The following SCN3A variants were observed in gnomAD, a reference collection of about 807,000 sequenced individuals.
SCN3A encodes sodium voltage-gated channel alpha subunit 3.
Under a neutral mutation model 187.6 loss-of-function variants are expected in SCN3A, and 60 were observed. That is an observed-to-expected ratio of 0.32 (90% CI 0.26 to 0.40). The LOEUF (loss-of-function observed/expected upper bound fraction) is 0.40. SCN3A is among the 10% of genes least tolerant of loss of function. SCN3A has a pLI of 1.00. For missense variants in SCN3A, 1,601 were observed against 2,428.2 expected (o/e 0.66, Z 7.16); for synonymous variants, 788 against 829.2 (o/e 0.95, Z 0.85).
At chr2:165,199,807 T>C (rs1300322558) in intron 1 of SCN3A, among the ~76,000 whole-genome samples, 1 of 152,038 alleles carries the variant, frequency 6.6e-6, no homozygotes, top group Non-Finnish European at 1.5e-5. Flanking sequence ...GCTGTATTAT[T>C]AAGAGGAAAC....
chr2:165,185,978 A>T (rs1263046789), intron 2 of SCN3A, among the ~76,000 whole-genome samples: 1 of 152,118 alleles, frequency 6.6e-6, no homozygotes, highest in African/African-American at 2.4e-5. Flanking sequence ...AAAAATATAT[A>T]AAAAACTCAG....
intron 11 of SCN3A, among the ~76,000 whole-genome samples, chr2:165,147,669 A>G (rs181808522): frequency 8.8e-5 from 13 of 148,352 alleles, no homozygotes; most frequent in Non-Finnish European, 1.9e-4. Context: ...AAACGTTCAT[A>G]GATTATTTAA....
chr2:165,166,605 A>G (rs965736481), intron 5 of SCN3A, among the ~76,000 whole-genome samples: 4 of 152,216 alleles, frequency 2.6e-5, no homozygotes, highest in Non-Finnish European at 5.9e-5. Flanking sequence ...TGTATGCCAC[A>G]TCTTTGTACA....
intron 1 of SCN3A, among the ~76,000 whole-genome samples, chr2:165,196,486 A>G (rs1691970127): frequency 6.6e-6 from 1 of 152,090 alleles, no homozygotes; most frequent in Admixed American, 6.6e-5. Context: ...TCCTCTAGGG[A>G]AAAGACTTTA....
rs769002204 is a variant in SCN3A, at chr2:165,139,578, T to G, written c.2050A>C (p.Arg684=). 4 of 1,613,936 alleles carry G rather than the reference T, an allele frequency of 2.5e-6. No individual in the cohort carries two copies. The South Asian group carries it at 4.4e-5, about 18-fold the overall frequency. ...GTTTETEVRK[R]RLSSYQISME... ...GAAATCTGGTAAGAGCTTAACCTTC[T>G]CTTTCTGACTTCCGTTTCTGTGGTG... Residue 684 remains arginine, a synonymous_variant, in exon 14 of 28, where the codon AGA becomes CGA. Coordinates refer to ENST00000283254, the MANE Select transcript of SCN3A (RefSeq NM_006922.4).
rs1441436089 is a variant in SCN3A, at chr2:165,138,000, A to G, written c.2270T>C (p.Val757Ala). ...LKVKHLVNLI[V>A]MDPFVDLAIT... is the part of the protein sequence containing the mutation. ...GGCAAGATCAACAAATGGATCCATAACAATTAAATTCACAAGATGTTTTAC... is the reference window on the plus strand; with the variant it reads ...GGCAAGATCAACAAATGGATCCATAGCAATTAAATTCACAAGATGTTTTAC... The change falls in exon 15 of 28, where the codon GTT becomes GCT. Residue 757 changes from valine (V) to alanine (A), a missense_variant. Val to Ala is a moderately conservative substitution (Grantham distance 64, BLOSUM62 0). Around this residue, in one of 11 missense-constraint regions of SCN3A, gnomAD observed 376 missense variants for 476.0 expected, o/e 0.79. Coordinates refer to ENST00000283254, the MANE Select transcript of SCN3A (RefSeq NM_006922.4). 1 of 1,613,602 alleles carries G rather than the reference A, an allele frequency of 6.2e-7. No homozygotes were observed. The highest frequency in any genetic ancestry group is 1.7e-5 in the Admixed American group (1 of 59,978).
At chr2:165,135,609 C>T (rs1687618962) in intron 15 of SCN3A, among the ~76,000 whole-genome samples, 1 of 152,068 alleles carries the variant, frequency 6.6e-6, no homozygotes, top group Non-Finnish European at 1.5e-5. Context: ...TTCTCTCTCA[C>T]ATGCTCTTTC....
intron 19 of SCN3A, 36 bp downstream of exon 19, chr2:165,115,419 G>A (rs772063792): frequency 3.7e-6 from 6 of 1,612,664 alleles, no homozygotes; most frequent in Admixed American, 1.7e-5. Flanking sequence ...AAAGAACAAG[G>A]GGAGATTGTA....
intron 1 of SCN3A, among the ~76,000 whole-genome samples, chr2:165,194,314 A>C (rs1195788463): frequency 6.6e-6 from 1 of 152,120 alleles, no homozygotes; most frequent in African/African-American, 2.4e-5. Flanking sequence ...CTAAAACTCT[A>C]GTTCAGTGTC....
intron 21 of SCN3A, among the ~76,000 whole-genome samples, chr2:165,105,356 T>G (rs2105680018): frequency 6.6e-6 from 1 of 152,268 alleles, no homozygotes; most frequent in East Asian, 1.9e-4. Flanking sequence ...TTTTTCCCAT[T>G]AATAGTACTG....
At chr2:165,154,746 A>G in intron 10 of SCN3A, 88 bp from the exon 11 acceptor site, 1 of 1,295,362 alleles carries the variant, frequency 7.7e-7, no homozygotes, top group Non-Finnish European at 1.1e-6. Flanking sequence ...TAGTCAGTAG[A>G]CTAATTAGCT....
At chr2:165,132,962 G>A (rs992311127) in intron 15 of SCN3A, among the ~76,000 whole-genome samples, 1 of 152,156 alleles carries the variant, frequency 6.6e-6, no homozygotes, top group African/African-American at 2.4e-5. Flanking sequence ...CCATCAACAA[G>A]TGGGTGAAAG....
chr2:165,188,487 G>A (rs750346833), intron 1 of SCN3A, among the ~76,000 whole-genome samples: 2 of 152,112 alleles, frequency 1.3e-5, no homozygotes, highest in Non-Finnish European at 2.9e-5. Flanking sequence ...GAACTTCAGT[G>A]AGCATAAGAA....
intron 2 of SCN3A, chr2:165,179,675 G>A (rs561522275): frequency 6.6e-6 from 1 of 152,318 alleles, no homozygotes; most frequent in South Asian, 2.1e-4. Flanking sequence ...GCTAGTTCCA[G>A]ACTCTCAGCT....
rs1688911956 is a variant in SCN3A, at chr2:165,154,726, C to G, written c.1174-68G>C. On this transcript the variant is annotated intron_variant, in intron 10 of 27. Coordinates refer to ENST00000283254, the MANE Select transcript of SCN3A (RefSeq NM_006922.4). ...TGTCCCCAAATAAATATCTGATTAC[C>G]ACAGTTAGATAGTCAGTAGACTAAT... 2.8e-6 allele frequency: 4 copies of G among 1,426,070 alleles called. No individual in the cohort carries two copies. The Admixed American group carries it at 6.8e-5, about 24-fold the overall frequency. 88.3% of individuals were successfully genotyped at this position (1,426,070 alleles called of 1,614,324 possible). A position where few individuals can be genotyped will look rare whatever the true frequency, so the allele number is the denominator to read the frequency against.
intron 21 of SCN3A, among the ~76,000 whole-genome samples, chr2:165,105,629 T>C (rs1311018682): frequency 6.6e-6 from 1 of 151,852 alleles, no homozygotes; most frequent in Non-Finnish European, 1.5e-5. Context: ...CTGGGGTGGG[T>C]AAGGTGTACA....
intron 15 of SCN3A, among the ~76,000 whole-genome samples, chr2:165,133,194 C>G (rs571354440): frequency 1.3e-5 from 2 of 152,120 alleles, no homozygotes; most frequent in Non-Finnish European, 2.9e-5. Flanking sequence ...GGACTGTAAA[C>G]TAGTTCAACC....
chr2:165,141,062 AAATATT>A, intron 12 of SCN3A, 64 bp from the exon 13 acceptor site: 1 of 988,234 alleles, frequency 1.0e-6, no homozygotes, highest in Non-Finnish European at 1.5e-6. Flanking sequence ...ATTATTTAAT[AAATATT>A]AATATTAAAG....
In SCN3A at chr2:165,138,083, G is replaced by T; in HGVS notation, c.2187C>A (p.Cys729Ter). 6.2e-7 allele frequency: 1 copy of T among 1,613,454 alleles called. No individual in the cohort carries two copies. The highest frequency in any genetic ancestry group is 8.5e-7 in the Non-Finnish European group (1 of 1,179,528). The change falls in exon 15 of 28, where the codon TGC becomes TGA. Residue 729 changes from cysteine (C) to a stop codon, truncating the protein, a stop_gained. Coordinates refer to ENST00000283254, the MANE Select transcript of SCN3A (RefSeq NM_006922.4). LOFTEE classifies it high-confidence loss of function. ...AGAACACATTGGCAAATCTATACCA[G>T]CATGGCGGACATTTCTGTCTAGATT... ...LEESRQKCPP[C>*]WYRFANVFLI...
Sources: allele counts gnomAD v4.1 joint callset (sites outside exome capture counted in the v4.1 genomes callset), GRCh38; gene constraint gnomAD v4.1.1; regional missense constraint gnomAD v4.1.1; transcripts MANE v1.5; gene names NCBI Gene and HGNC (gene_info 2026-07-23, HGNC 2026-07-21).